The following PPP1R16A variants were observed in gnomAD, a reference collection of about 807,000 sequenced individuals.
PPP1R16A encodes the protein myosin phosphatase-targeting subunit 3.
Under a neutral mutation model 46.6 loss-of-function variants are expected in PPP1R16A, and 39 were observed. The observed-to-expected ratio is 0.84, with a 90% CI of 0.65 to 1.09. The LOEUF is 1.09. Ranked by LOEUF, PPP1R16A falls within the 50% of genes least tolerant of loss-of-function variation. The probability of loss-of-function intolerance (pLI) is 0.00; values close to 1 mark genes in which losing one functional copy is unlikely to be tolerated. For missense variants in PPP1R16A, 798 were observed against 735.6 expected, an observed-to-expected ratio of 1.08 and a Z score of -0.98; for synonymous variants, 413 against 321.5, an observed-to-expected ratio of 1.28 and a Z score of -3.04.
chr8:144,480,858 G>C (rs750614866), intron 1 of PPP1R16A, among the ~76,000 whole-genome samples: 1 of 151,682 alleles, frequency 6.6e-6, no homozygotes, highest in Non-Finnish European at 1.5e-5. Context: ...AATGGGTTTT[G>C]TGTGATGGGT....
At position 144,497,194 on chromosome 8, in the gene PPP1R16A, C is replaced by T. The variant is rs749515620; in HGVS notation, c.-1C>T. 4 of 1,562,590 alleles carry T rather than the reference C, an allele frequency of 2.6e-6. No homozygotes were observed. The highest frequency in any genetic ancestry group is 1.4e-5 in the African/African-American group (1 of 73,666). On this transcript the variant is annotated 5_prime_UTR_variant, in exon 3 of 12. Transcript: ENST00000435887. ...AGCCCTGTGGGCAAGCAGCCGCCGCCATGGCCGAGCACCTGGAGCTGCTGG... is the reference window on the plus strand; with the variant it reads ...AGCCCTGTGGGCAAGCAGCCGCCGCTATGGCCGAGCACCTGGAGCTGCTGG...
In PPP1R16A at chr8:144,497,446, G is replaced by A; in HGVS notation, c.252G>A (p.Leu84=). The stretch of plus-strand genomic sequence containing the variant: ...TGGAGGCCGCTGCCCGAAATGACCT[G>A]GAAGAAGGTGAGTGTGGCTGAGCCC... ...VLLEAAARND[L]EEVRQFLGSG... is the part of the protein sequence containing the mutation. Residue 84 remains leucine, a synonymous_variant, in exon 3 of 12, where the codon CTG becomes CTA. Coordinates refer to ENST00000435887, the MANE Select transcript of PPP1R16A (RefSeq NM_001329443.2). The A allele has an allele frequency of 6.2e-7, 1 of 1,612,866 alleles. No individual in the cohort carries two copies. The highest frequency in any genetic ancestry group is 8.5e-7 in the Non-Finnish European group (1 of 1,180,004).
intron 5 of PPP1R16A, 55 bp downstream of exon 5, chr8:144,499,116 C>T: frequency 2.0e-6 from 3 of 1,524,448 alleles, no homozygotes; most frequent in African/African-American, 1.4e-5. Context: ...GATGGCCGCT[C>T]AGGAGGCTCC....
chr8:144,481,050 G>A (rs868405834), intron 1 of PPP1R16A, among the ~76,000 whole-genome samples: 3 of 151,486 alleles, frequency 2.0e-5, no homozygotes, highest in South Asian at 4.2e-4. Context: ...CACCACGCCC[G>A]GCTAATTTTT....
At chr8:144,497,599 G>A in intron 3 of PPP1R16A, 146 bp downstream of exon 3, 1 of 1,161,638 alleles carries the variant, frequency 8.6e-7, no homozygotes, top group East Asian at 2.5e-5. Flanking sequence ...CTTCAGGCTG[G>A]GTGGCCCAGG....
intron 4 of PPP1R16A, 33 bp from the exon 5 acceptor site, chr8:144,498,883 G>A (rs372194686): frequency 1.3e-5 from 21 of 1,612,476 alleles, no homozygotes; most frequent in Non-Finnish European, 1.6e-5. Context: ...GCTGGCCCCC[G>A]TGCTCTGGTC....
intron 3 of PPP1R16A, chr8:144,498,314 G>T: frequency 2.8e-6 from 1 of 354,608 alleles, no homozygotes; most frequent in Admixed American, 3.7e-5. Context: ...ATGGGGAGGG[G>T]AGTGAGAGCA....
chr8:144,485,383 G>T (rs1003266212), intron 1 of PPP1R16A, among the ~76,000 whole-genome samples: 1 of 151,776 alleles, frequency 6.6e-6, no homozygotes, highest in Non-Finnish European at 1.5e-5. Context: ...AATTAGCCAG[G>T]CGTGGTGGCA....
chr8:144,492,502 A>C (rs1289563531), intron 2 of PPP1R16A, among the ~76,000 whole-genome samples: 4 of 151,774 alleles, frequency 2.6e-5, no homozygotes, highest in African/African-American at 9.7e-5. Context: ...CACCCAGCTA[A>C]TTTTTTGTAT....
At position 144,501,672 on chromosome 8, in the gene PPP1R16A, C is replaced by T. The variant is rs746749454; in HGVS notation, c.1356C>T (p.Ala452=). Residue 452 remains alanine, a synonymous_variant, in exon 12 of 12, where the codon GCC becomes GCT. Transcript: ENST00000435887. ...CCCACACCCTGGTCCACGACAAGGC[C>T]CACCACACCCTGGCTGACCTGAAGC... ...TTPHTLVHDK[A]HHTLADLKRQ... 16 of 1,609,380 alleles carry T rather than the reference C, an allele frequency of 9.9e-6. No homozygotes were observed. In the East Asian group the frequency reaches 2.0e-4, roughly 20 times the overall value.
At chr8:144,480,573 G>A (rs990676529) in intron 1 of PPP1R16A, among the ~76,000 whole-genome samples, 15 of 151,302 alleles carry the variant, frequency 9.9e-5, no homozygotes, top group African/African-American at 1.5e-4. Context: ...TGCAACCTCC[G>A]TCTCTCGAAT....
At chr8:144,488,741 T>C (rs1225867100) in intron 1 of PPP1R16A, among the ~76,000 whole-genome samples, 2 of 151,898 alleles carry the variant, frequency 1.3e-5, no homozygotes, top group Admixed American at 6.6e-5. Context: ...CCTGATGATG[T>C]GTGCTCCAGC....
rs1826506267 is a variant in PPP1R16A, at chr8:144,501,764, A to G, written c.1448A>G (p.Glu483Gly). 6.4e-7 allele frequency: 1 copy of G among 1,569,016 alleles called. No individual in the cohort carries two copies. ...GGGCCCGAGAGCCCTGAGACAGCTG[A>G]GCCTGGCCTGCCTGGTGACACGGTG... is the stretch of plus-strand genomic sequence containing the variant. ...PEGPESPETA[E>G]PGLPGDTVTP... The change falls in exon 12 of 12, where the codon GAG (glutamate) becomes GGG (glycine). Residue 483 changes from glutamate to glycine, a missense_variant. Coordinates refer to ENST00000435887, the MANE Select transcript of PPP1R16A (RefSeq NM_001329443.2).
intron 5 of PPP1R16A, 112 bp from the exon 6 acceptor site, chr8:144,499,984 C>T (rs931378546): frequency 2.8e-5 from 31 of 1,112,996 alleles, no homozygotes; most frequent in East Asian, 2.1e-4. Context: ...GACAGGGTGC[C>T]TCCTGAGGGG....
chr8:144,499,089 G>A (rs1400955120), intron 5 of PPP1R16A, 28 bp downstream of exon 5: 1 of 1,551,490 alleles, frequency 6.4e-7, no homozygotes, highest in Admixed American at 1.7e-5. Context: ...TCCTTGGCAG[G>A]GAGAGGCTTC....
Position 144,500,950 on chromosome 8 carries a change from C to T in PPP1R16A, c.1016C>T (p.Thr339Ile). 3 of 1,487,312 alleles carry T rather than the reference C, an allele frequency of 2.0e-6. No individual in the cohort carries two copies. The highest frequency in any genetic ancestry group is 2.0e-4 in the Middle Eastern group (1 of 4,966). The allele number at this position is 1,487,312 out of a possible 1,614,324, so 92.1% of individuals were successfully genotyped here. A position where few individuals can be genotyped will look rare whatever the true frequency, so the allele number is the denominator to read the frequency against. ...CAGCGCTCCTTGCTGCGCCGCCGCACCTCCAGCGCCGGCAGCCGCGGGTGA... is the reference window on the plus strand; with the variant it reads ...CAGCGCTCCTTGCTGCGCCGCCGCATCTCCAGCGCCGGCAGCCGCGGGTGA... Reference protein sequence around the residue: ...SRQRSLLRRRTSSAGSRGKVV... With the variant: ...SRQRSLLRRRISSAGSRGKVV... The change falls in exon 10 of 12, where the codon ACC (threonine) becomes ATC (isoleucine). Residue 339 changes from threonine (T) to isoleucine (I), a missense_variant. Thr to Ile is a moderately conservative substitution (Grantham distance 89). Coordinates refer to ENST00000435887, the MANE Select transcript of PPP1R16A (RefSeq NM_001329443.2).
chr8:144,497,650 A>C, intron 3 of PPP1R16A, 197 bp downstream of exon 3: 1 of 756,774 alleles, frequency 1.3e-6, no homozygotes. Flanking sequence ...GGCAGCCCTG[A>C]GGTGAGCCTG....
At position 144,493,718 on chromosome 8, in the gene PPP1R16A, G is replaced by C. The variant is rs1409147189; in HGVS notation, c.-734-2743G>C. Among the ~76,000 whole-genome samples the C allele has an allele frequency of 2.0e-5, 3 of 152,136 alleles. No individual in the cohort carries two copies. The highest frequency in any genetic ancestry group is 7.2e-5 in the African/African-American group (3 of 41,434). On this transcript the variant is annotated intron_variant, in intron 2 of 11. Coordinates refer to ENST00000435887, the MANE Select transcript of PPP1R16A (RefSeq NM_001329443.2). This position sits in a 1 kb window ranked among gnomAD's most constrained non-coding sequence, Gnocchi z 4.3. ...GGGACACCCCCTGGCACCCACTCTT[G>C]GGGGGCCCTGGGCTCACTTTGGGTA...
intron 2 of PPP1R16A, among the ~76,000 whole-genome samples, chr8:144,490,948 A>C (rs1006878610): frequency 1.3e-5 from 2 of 152,050 alleles, no homozygotes; most frequent in African/African-American, 4.8e-5. Context: ...CTCCCCAGCT[A>C]CTGGGGAGGG....
Sources: allele counts gnomAD v4.1 joint callset (sites outside exome capture counted in the v4.1 genomes callset), GRCh38; gene constraint gnomAD v4.1.1; non-coding constraint Gnocchi (gnomAD v3.1); transcripts MANE v1.5; gene names NCBI Gene and HGNC (gene_info 2026-07-23, HGNC 2026-07-21).